EPHB1: variants seen among roughly 807,000 people sequenced by gnomAD.
EPHB1 encodes the protein ephrin type-B receptor 1.
In EPHB1, 30 loss-of-function variants were observed where a neutral mutation model predicts 94.4. The ratio of observed to expected loss-of-function variants is 0.32; its 90% confidence interval spans 0.24 to 0.43. The LOEUF (loss-of-function observed/expected upper bound fraction) is 0.43. Among genes scored for constraint, EPHB1 ranks in the 20% least tolerant of loss-of-function variants. EPHB1 has a pLI of 1.00. For missense variants in EPHB1, 1,055 were observed against 1,308.3 expected, an observed-to-expected ratio of 0.81 and a Z score of 2.99; for synonymous variants, 522 against 489.1, an observed-to-expected ratio of 1.07 and a Z score of -0.89.
chr3:134,927,041 G>A (rs1447661005), intron 2 of EPHB1, among the ~76,000 whole-genome samples: 2 of 152,078 alleles, frequency 1.3e-5, no homozygotes, highest in African/African-American at 4.8e-5. Context: ...AGAGGAGGTG[G>A]GAGTGCTCTC....
At chr3:135,036,993 T>G (rs1322816477) in intron 3 of EPHB1, among the ~76,000 whole-genome samples, 1 of 151,988 alleles carries the variant, frequency 6.6e-6, no homozygotes, top group African/African-American at 2.4e-5. Context: ...AATGGGGTGG[T>G]AAATAGACTA....
intron 3 of EPHB1, among the ~76,000 whole-genome samples, chr3:135,051,190 C>T (rs1450260753): frequency 6.6e-6 from 1 of 152,158 alleles, no homozygotes; most frequent in South Asian, 2.1e-4. Flanking sequence ...TGTCCAGCCA[C>T]CCATGATATC....
At chr3:135,071,934 A>G (rs1428036318) in intron 3 of EPHB1, among the ~76,000 whole-genome samples, 2 of 152,142 alleles carry the variant, frequency 1.3e-5, no homozygotes, top group Non-Finnish European at 2.9e-5. Flanking sequence ...GCCATTCTTG[A>G]TTCCTCTGCT....
chr3:135,180,425 C>T (rs545061863), intron 10 of EPHB1, among the ~76,000 whole-genome samples: 55 of 152,294 alleles, frequency 3.6e-4, no homozygotes, highest in African/African-American at 1.3e-3. Context: ...TGAAGACAGA[C>T]CATGATGAAT....
chr3:134,876,544 G>T (rs111542026), intron 1 of EPHB1, among the ~76,000 whole-genome samples: 4 of 152,160 alleles, frequency 2.6e-5, no homozygotes, highest in African/African-American at 9.7e-5. Context: ...GCTTAGGCAG[G>T]CCCCTAAGGC....
At chr3:135,172,029 T>C (rs1434063786) in intron 9 of EPHB1, among the ~76,000 whole-genome samples, 1 of 151,912 alleles carries the variant, frequency 6.6e-6, no homozygotes, top group Non-Finnish European at 1.5e-5. Flanking sequence ...TCAGAAAAGG[T>C]GATATATAAA....
At chr3:134,995,247 A>G (rs997635290) in intron 3 of EPHB1, among the ~76,000 whole-genome samples, 1 of 152,072 alleles carries the variant, frequency 6.6e-6, no homozygotes, top group East Asian at 1.9e-4. Context: ...ACCTTCAGGG[A>G]TGGGCTTTTT....
At chr3:135,149,314 C>G (rs1425341896) in intron 5 of EPHB1, among the ~76,000 whole-genome samples, 3 of 152,202 alleles carry the variant, frequency 2.0e-5, no homozygotes, top group Non-Finnish European at 4.4e-5. Flanking sequence ...CAAAAAGAGA[C>G]TCTTTCAGAT....
intron 3 of EPHB1, among the ~76,000 whole-genome samples, chr3:134,973,090 A>G (rs1934041484): frequency 6.6e-6 from 1 of 152,290 alleles, no homozygotes; most frequent in South Asian, 2.1e-4. Flanking sequence ...TCATAGATAA[A>G]TCTGGCACAG....
At chr3:134,885,510 T>A (rs548656866) in intron 1 of EPHB1, among the ~76,000 whole-genome samples, 3 of 152,324 alleles carry the variant, frequency 2.0e-5, no homozygotes, top group South Asian at 4.1e-4. Context: ...TCCATGTATT[T>A]GAGAGGCAGT....
chr3:134,909,638 CTT>C (rs1356538265), intron 1 of EPHB1, among the ~76,000 whole-genome samples: 1 of 152,222 alleles, frequency 6.6e-6, no homozygotes, highest in East Asian at 1.9e-4. Flanking sequence ...TCACCTTGGT[CTT>C]TTCTCAGTTC....
At chr3:135,155,784 T>G (rs1941333456) in intron 6 of EPHB1, among the ~76,000 whole-genome samples, 2 of 103,624 alleles carry the variant, frequency 1.9e-5, no homozygotes, top group African/African-American at 8.6e-5. Flanking sequence ...AGCAAGACTT[T>G]GTCAAAAAAA....
chr3:134,854,889 G>T lies in EPHB1; in HGVS notation c.58+59200G>T, dbSNP rs750970284. The stretch of plus-strand genomic sequence containing the variant: ...AACAAATATAGATTCTCTATAAAAA[G>T]TTAAGAAAATATAGAAAAGTATAAA... On this transcript the variant is annotated intron_variant, in intron 1 of 15. Transcript: ENST00000398015. Among the ~76,000 whole-genome samples the T allele has an allele frequency of 1.2e-4, 18 of 148,690 alleles. No individual in the cohort carries two copies. The Admixed American group carries it at 1.2e-3, about 10-fold the overall frequency.
chr3:135,205,976 T>C (rs1238202709), intron 12 of EPHB1, among the ~76,000 whole-genome samples: 1 of 152,194 alleles, frequency 6.6e-6, no homozygotes, highest in Non-Finnish European at 1.5e-5. Context: ...TTCATCAAGA[T>C]ACAGAACATT....
chr3:134,795,362 CCT>C lies in EPHB1; in HGVS notation c.-260_-259del, dbSNP rs988877393. Reference sequence around the variant, plus strand: ...CTCTCCCAGGCTCGTTCTCCCTCGCCCTCTCTCTCTCACACACGCACGCACAC... The same window carrying C: ...CTCTCCCAGGCTCGTTCTCCCTCGCCCTCTCTCTCACACACGCACGCACAC... On this transcript the variant is annotated 5_prime_UTR_variant, in exon 1 of 16. Transcript: ENST00000398015. 87 of 501,344 alleles carry C rather than the reference CCT, an allele frequency of 1.7e-4. No individual in the cohort carries two copies. Among genetic ancestry groups the C allele is most frequent in the Non-Finnish European group, 2.3e-4 (67 of 286,786 alleles). The allele number at this position is 501,344 out of a possible 1,614,324, so 31.1% of individuals were successfully genotyped here.
chr3:135,156,991 C>T (rs920260722), intron 6 of EPHB1, among the ~76,000 whole-genome samples: 1 of 152,108 alleles, frequency 6.6e-6, no homozygotes, highest in Admixed American at 6.5e-5. Context: ...ATAATAATTT[C>T]TCCCCAGCGT....
At chr3:135,094,580 G>A (rs1355929672) in intron 3 of EPHB1, among the ~76,000 whole-genome samples, 2 of 152,160 alleles carry the variant, frequency 1.3e-5, no homozygotes, top group African/African-American at 4.8e-5. Flanking sequence ...CCTGCTTCCT[G>A]GGTGACCTAA....
chr3:135,149,655 C>T (rs1054229996), intron 5 of EPHB1, among the ~76,000 whole-genome samples: 9 of 152,158 alleles, frequency 5.9e-5, no homozygotes, highest in Admixed American at 1.3e-4. Flanking sequence ...ATAAGCTGCC[C>T]GTGATTTTCA....
chr3:135,090,516 C>G (rs943467792), intron 3 of EPHB1, among the ~76,000 whole-genome samples: 2 of 152,234 alleles, frequency 1.3e-5, no homozygotes, highest in East Asian at 3.8e-4. Flanking sequence ...AGAATTGACT[C>G]TAGACTTGCA....
Sources: gnomAD v4.1 joint callset for allele counts (sites outside exome capture counted in the v4.1 genomes callset) on GRCh38, gnomAD v4.1.1 for gene constraint, MANE v1.5 for transcripts, NCBI Gene and HGNC (gene_info 2026-07-23, HGNC 2026-07-21) for gene names.